Variants in VRK2 observed in about 807,000 individuals in gnomAD.
VRK2 encodes the protein serine/threonine-protein kinase VRK2.
A neutral mutation model predicts 57.6 loss-of-function variants in VRK2; 60 were observed. The observed-to-expected ratio is 1.04, with a 90% CI of 0.85 to 1.29. The LOEUF (loss-of-function observed/expected upper bound fraction) is 1.29, where lower values mean the gene tolerates loss of function less well. VRK2 is among the 50% of genes most tolerant of loss of function. VRK2 has a pLI of 0.00. For missense variants in VRK2, 705 were observed against 588.1 expected, an observed-to-expected ratio of 1.20 and a Z score of -2.06; for synonymous variants, 231 against 199.2, an observed-to-expected ratio of 1.16 and a Z score of -1.35.
chr2:58,085,137 C>T (rs974427447), intron 4 of VRK2, 187 bp downstream of exon 4: 2 of 168,572 alleles, frequency 1.2e-5, no homozygotes, highest in African/African-American at 4.8e-5. Context: ...ACATGACATA[C>T]ATAATGGGTT....
intron 11 of VRK2, among the ~76,000 whole-genome samples, chr2:58,145,290 C>T (rs1307045091): frequency 1.3e-5 from 2 of 151,974 alleles, no homozygotes; most frequent in African/African-American, 4.8e-5. Context: ...TGTAGAAGAA[C>T]TTAACCTCTG....
At chr2:58,054,992 G>A (rs1410478849) in intron 2 of VRK2, among the ~76,000 whole-genome samples, 3 of 151,980 alleles carry the variant, frequency 2.0e-5, no homozygotes, top group Non-Finnish European at 1.5e-5. Flanking sequence ...TAACATCTTC[G>A]ATCAAGTAAT....
intron 7 of VRK2, among the ~76,000 whole-genome samples, chr2:58,110,933 A>G (rs1460839591): frequency 3.3e-5 from 5 of 152,128 alleles, no homozygotes; most frequent in African/African-American, 4.8e-5. Context: ...GCCCAGGAAG[A>G]GTGTGGCCTT....
rs190028716 is a variant in VRK2 at position 57,939,939 on chromosome 2, C to T, written c.-439+32100C>T. On this transcript the variant is annotated intron_variant, in intron 1 of 15. Coordinates refer to the VRK2 transcript ENST00000417641. ...AATTAGTAAAGATGCCCATTGCATC[C>T]CTCACAATTGACAATGAGATATTGA... Among the ~76,000 whole-genome samples the T allele has an allele frequency of 2.6e-4, 40 of 152,064 alleles. No homozygotes were observed. The East Asian group carries it at 4.3e-3, about 16-fold the overall frequency.
At chr2:58,134,651 C>T (rs1197544292) in intron 9 of VRK2, among the ~76,000 whole-genome samples, 1 of 150,302 alleles carries the variant, frequency 6.7e-6, no homozygotes, top group Non-Finnish European at 1.5e-5. Flanking sequence ...TATGGACAGG[C>T]TTTGCTGGAT....
At chr2:58,131,432 A>G (rs1679173885) in intron 8 of VRK2, among the ~76,000 whole-genome samples, 1 of 151,944 alleles carries the variant, frequency 6.6e-6, no homozygotes, top group African/African-American at 2.4e-5. Context: ...AACATATGTT[A>G]GTAATTTAGC....
In VRK2 at chr2:58,157,947, T is replaced by C. The variant is rs115860516; in HGVS notation, c.1183-1402T>C. Among the ~76,000 whole-genome samples, 840 of 152,326 alleles carry C rather than the reference T, an allele frequency of 5.5e-3. 12 individuals carry two copies. The highest frequency in any genetic ancestry group is 0.019 in the African/African-American group (798 of 41,576). ...AGCCAAATTTTGGCAACTCCTGTTA[T>C]AGACTATCCTAATCAGACCCCCTCA... On this transcript the variant is annotated intron_variant, in intron 12 of 12. Transcript: ENST00000340157.
intron 12 of VRK2, 28 bp from the exon 13 acceptor site, chr2:58,159,321 C>T: frequency 6.5e-7 from 1 of 1,531,942 alleles, no homozygotes; most frequent in Non-Finnish European, 8.8e-7. Context: ...GTCTAACAAA[C>T]TAAACTATAT....
chr2:58,031,952 A>C (rs947070899), intron 2 of VRK2, among the ~76,000 whole-genome samples: 1 of 152,116 alleles, frequency 6.6e-6, no homozygotes, highest in South Asian at 2.1e-4. Flanking sequence ...TCACACAATC[A>C]GTGTCTTACA....
chr2:58,118,337 T>C (rs138994068), intron 7 of VRK2, among the ~76,000 whole-genome samples: 1,620 of 152,348 alleles, frequency 0.011, 42 homozygotes, highest in African/African-American at 0.037. Context: ...CCTGCAATGA[T>C]TAAACATCAA....
Position 58,159,559 on chromosome 2 carries a change from GA to G in VRK2, c.1396del (p.Ser466ValfsTer33). ...STVSTGITDLESSTGLWPTIS... is the reference protein window; with the variant it reads ...STVSTGITDLXSSTGLWPTIS... The stretch of plus-strand genomic sequence containing the variant: ...AGTCAGCACGGGGATCACAGACTTA[GA>G]AAGTTCAACTGGACTTTGGCCTACA... On this transcript the variant is annotated frameshift_variant, in exon 13 of 13. Coordinates refer to ENST00000340157, the MANE Select transcript of VRK2 (RefSeq NM_006296.7). LOFTEE classifies it low-confidence loss of function (END_TRUNC). The G allele has an allele frequency of 1.9e-6, 3 of 1,613,816 alleles. No homozygotes were observed. The highest frequency in any genetic ancestry group is 2.5e-6 in the Non-Finnish European group (3 of 1,179,790).
chr2:57,976,209 T>C lies in VRK2; in HGVS notation c.-438-49456T>C, dbSNP rs562828280. 2.8e-4 allele frequency among the ~76,000 whole-genome samples: 43 copies of C among 152,284 alleles called. No homozygotes were observed. In the South Asian group the frequency reaches 8.7e-3, roughly 31 times the overall value. ...ATATCTTCACTATTGTGAATAGTGT[T>C]GTGATGAACATACAAGTGCATGTGC... On this transcript the variant is annotated intron_variant, in intron 1 of 15. Coordinates refer to the VRK2 transcript ENST00000417641.
At chr2:57,920,291 T>C (rs1423271779) in intron 1 of VRK2, among the ~76,000 whole-genome samples, 1 of 152,098 alleles carries the variant, frequency 6.6e-6, no homozygotes, top group Non-Finnish European at 1.5e-5. Context: ...TTGACTCATA[T>C]CATTTTTGGA....
At chr2:57,929,201 G>A (rs1670639037) in intron 1 of VRK2, among the ~76,000 whole-genome samples, 1 of 152,182 alleles carries the variant, frequency 6.6e-6, no homozygotes, top group Non-Finnish European at 1.5e-5. Flanking sequence ...GCCAGGACTT[G>A]GAGTCAAAAA....
At chr2:57,940,420 A>T (rs561885308) in intron 1 of VRK2, among the ~76,000 whole-genome samples, 1 of 152,316 alleles carries the variant, frequency 6.6e-6, no homozygotes, top group Non-Finnish European at 1.5e-5. Flanking sequence ...TGAGGAGGAC[A>T]ATCTGCTTTA....
At chr2:58,030,418 T>C (rs924814789) in intron 2 of VRK2, among the ~76,000 whole-genome samples, 1 of 152,230 alleles carries the variant, frequency 6.6e-6, no homozygotes. Context: ...CTTTGCTGTA[T>C]AGACTTTAAT....
At chr2:58,124,943 T>C (rs1336924487) in intron 8 of VRK2, among the ~76,000 whole-genome samples, 1 of 152,142 alleles carries the variant, frequency 6.6e-6, no homozygotes, top group Non-Finnish European at 1.5e-5. Flanking sequence ...TTAGTGAGAA[T>C]TTAAAGATAA....
chr2:58,070,147 T>C (rs552300753), intron 2 of VRK2, among the ~76,000 whole-genome samples: 2 of 152,322 alleles, frequency 1.3e-5, no homozygotes, highest in East Asian at 3.9e-4. Flanking sequence ...ACAATATTGA[T>C]ACATTATTAT....
chr2:58,084,733 G>C, intron 3 of VRK2, 148 bp from the exon 4 acceptor site: 1 of 506,068 alleles, frequency 2.0e-6, no homozygotes. Flanking sequence ...GAGATTTTTA[G>C]TGGAAATCTG....
Sources: allele counts gnomAD v4.1 joint callset (sites outside exome capture counted in the v4.1 genomes callset), GRCh38; gene constraint gnomAD v4.1.1; transcripts MANE v1.5; gene names NCBI Gene and HGNC (gene_info 2026-07-23, HGNC 2026-07-21).